HCN3: variants seen among roughly 807,000 people sequenced by gnomAD.
The protein encoded by HCN3 is hyperpolarization activated cyclic nucleotide gated potassium channel 3.
In HCN3, 36 loss-of-function variants were observed where a neutral mutation model predicts 56.8. The observed-to-expected ratio is 0.63, with a 90% CI of 0.49 to 0.84. The LOEUF (loss-of-function observed/expected upper bound fraction) is 0.84. Among genes scored for constraint, HCN3 ranks in the 40% least tolerant of loss-of-function variants. The pLI is 0.00. For missense variants in HCN3, 930 were observed against 1,079.3 expected (o/e 0.86, Z 1.94); for synonymous variants, 425 against 439.7 (o/e 0.97, Z 0.42).
In HCN3 at chr1:155,287,196, C is replaced by T. The variant is rs369007284; in HGVS notation, c.1501C>T (p.Arg501Trp). 5.0e-6 allele frequency: 8 copies of T among 1,613,558 alleles called. No individual in the cohort carries two copies. Among genetic ancestry groups the T allele is most frequent in the Non-Finnish European group, 5.9e-6 (7 of 1,179,958 alleles). Reference protein sequence around the residue: ...FGEICLLTRGRRTASVRADTY... With the variant: ...FGEICLLTRGWRTASVRADTY... The stretch of plus-strand genomic sequence containing the variant: ...AGAGATCTGCCTGCTAACTAGGGGC[C>T]GGCGCACAGCCAGTGTTCGGGCTGA... The change falls in exon 7 of 8, where the codon CGG becomes TGG. Residue 501 changes from arginine (R) to tryptophan (W), a missense_variant. Arg to Trp is a moderately radical substitution (Grantham distance 101). Coordinates refer to ENST00000368358, the MANE Select transcript of HCN3 (RefSeq NM_020897.3).
intron 7 of HCN3, 104 bp from the exon 8 acceptor site, chr1:155,287,677 C>T: frequency 6.8e-6 from 10 of 1,471,874 alleles, no homozygotes; most frequent in Admixed American, 4.6e-5. Context: ...CATCCCCTAC[C>T]CTCAACCCCA....
rs976907954 is a variant in HCN3, at chr1:155,288,325, T to TG, written c.2190dup (p.Arg731AlafsTer2). ...AGCGGGCAACAGGCGATGGCTCTCC[T>TG]GGGCGTAAGGGATCAGGAAGTGAGC... On this transcript the variant is annotated frameshift_variant, in exon 8 of 8. Transcript: ENST00000368358. LOFTEE classifies it high-confidence loss of function. The surrounding 1 kb of genome is among the most constrained non-coding windows in gnomAD (Gnocchi z 6.5). 1.5e-5 allele frequency: 24 copies of TG among 1,613,632 alleles called. No individual in the cohort carries two copies. The highest frequency in any genetic ancestry group is 1.9e-5 in the Non-Finnish European group (22 of 1,179,932).
chr1:155,277,650 G>A lies in HCN3; in HGVS notation c.60G>A (p.Glu20=). 6.4e-7 allele frequency: 1 copy of A among 1,554,896 alleles called. No individual in the cohort carries two copies. The highest frequency in any genetic ancestry group is 8.7e-7 in the Non-Finnish European group (1 of 1,150,544). The change falls in exon 1 of 8, where the codon GAG becomes GAA. Residue 20 remains glutamate (E), a synonymous_variant. Coordinates refer to ENST00000368358, the MANE Select transcript of HCN3 (RefSeq NM_020897.3). ...GASEGATPGL[E]AVPPVAPPPA... ...GCGAAGGGGCGACCCCTGGACTGGA[G>A]GCGGTGCCTCCCGTTGCTCCCCCGC...
Position 155,287,263 on chromosome 1 carries a change from A to C in HCN3, c.1568A>C (p.Asn523Thr). The change falls in exon 7 of 8, where the codon AAT becomes ACT. Residue 523 changes from asparagine (N) to threonine (T), a missense_variant. Coordinates refer to ENST00000368358, the MANE Select transcript of HCN3 (RefSeq NM_020897.3). Reference sequence around the variant, plus strand: ...TACTCACTCAGCGTGGACCATTTCAATGCTGTGCTTGAGGAGTTCCCCATG... The same window carrying C: ...TACTCACTCAGCGTGGACCATTTCACTGCTGTGCTTGAGGAGTTCCCCATG... ...RLYSLSVDHF[N>T]AVLEEFPMMR... 1 of 1,614,030 alleles carries C rather than the reference A, an allele frequency of 6.2e-7. No homozygotes were observed. The highest frequency in any genetic ancestry group is 8.5e-7 in the Non-Finnish European group (1 of 1,179,948).
chr1:155,287,829 G>T lies in HCN3; in HGVS notation c.1691G>T (p.Gly564Val). The T allele has an allele frequency of 6.2e-7, 1 of 1,610,132 alleles. No homozygotes were observed. Among genetic ancestry groups the T allele is most frequent in the Non-Finnish European group, 8.5e-7 (1 of 1,177,170 alleles). The change falls in exon 8 of 8, where the codon GGC (glycine) becomes GTC (valine). Residue 564 changes from glycine (G) to valine (V), a missense_variant. By Grantham distance (109) the Gly-to-Val change is moderately radical (BLOSUM62 -3). Coordinates refer to ENST00000368358, the MANE Select transcript of HCN3 (RefSeq NM_020897.3). ...LQRKRSEPSP[G>V]SSGGIMEQHL... is the part of the protein sequence containing the mutation. ...CGGAAGCGCTCCGAGCCAAGTCCAGGCAGCAGTGGTGGCATCATGGAGCAG... is the reference window on the plus strand; with the variant it reads ...CGGAAGCGCTCCGAGCCAAGTCCAGTCAGCAGTGGTGGCATCATGGAGCAG...
intron 1 of HCN3, among the ~76,000 whole-genome samples, chr1:155,279,208 T>C (rs1235509431): frequency 6.6e-6 from 1 of 152,236 alleles, no homozygotes; most frequent in Non-Finnish European, 1.5e-5. Context: ...GACACTGGGA[T>C]TAGGTGTGTC....
rs200499867 is a variant in HCN3, at chr1:155,282,859, G to T, written c.708+19G>T. The T allele has an allele frequency of 6.4e-7, 1 of 1,567,152 alleles. No individual in the cohort carries two copies. Among genetic ancestry groups the T allele is most frequent in the East Asian group, 2.3e-5 (1 of 42,876 alleles). ...GGAGGAGGTGGGGTGGGGAGATGGC[G>T]GGCGGGGCAGTGGGTGGGGGATGTT... On this transcript the variant is annotated intron_variant, in intron 2 of 7. Coordinates refer to ENST00000368358, the MANE Select transcript of HCN3 (RefSeq NM_020897.3). This position sits in a 1 kb window ranked among gnomAD's most constrained non-coding sequence, Gnocchi z 4.7.
In HCN3 at chr1:155,282,180, C is replaced by T. The variant is rs1040351947; in HGVS notation, c.279-231C>T. Among the ~76,000 whole-genome samples, 19 of 152,172 alleles carry T rather than the reference C, an allele frequency of 1.2e-4. No homozygotes were observed. Among genetic ancestry groups the T allele is most frequent in the African/African-American group, 4.3e-4 (18 of 41,432 alleles). ...CATATTTTCCTTGGATGTGTCTATA[C>T]GTAGGAATGGGATTGCTGAGTTGCA... On this transcript the variant is annotated intron_variant, in intron 1 of 7. Transcript: ENST00000368358. This position sits in a 1 kb window ranked among gnomAD's most constrained non-coding sequence, Gnocchi z 4.7.
In HCN3 at chr1:155,288,499, G is replaced by T. The variant is rs1471916085; in HGVS notation, c.*36G>T. 1.3e-6 allele frequency: 2 copies of T among 1,545,722 alleles called. No homozygotes were observed. The highest frequency in any genetic ancestry group is 1.7e-6 in the Non-Finnish European group (2 of 1,148,270). On this transcript the variant is annotated 3_prime_UTR_variant, in exon 8 of 8. Transcript: ENST00000368358. The surrounding 1 kb of genome is among the most constrained non-coding windows in gnomAD (Gnocchi z 6.5). The stretch of plus-strand genomic sequence containing the variant: ...TACATCCAGCCTTAGTTCTTGGGGT[G>T]CAGTAGTATGTACCCAAGGGCAGAT...
Position 155,284,388 on chromosome 1 carries a change from A to G in HCN3, c.871-151A>G, listed in dbSNP as rs1180712326. On this transcript the variant is annotated intron_variant, in intron 3 of 7. Transcript: ENST00000368358. This position sits in a 1 kb window ranked among gnomAD's most constrained non-coding sequence, Gnocchi z 4.3. The stretch of plus-strand genomic sequence containing the variant: ...TTGCAATAGAGGACCCTTTTGCCTC[A>G]GGGCCCCCCAGAACCAAACTTAAGT... The G allele has an allele frequency of 5.3e-6, 5 of 947,108 alleles. No homozygotes were observed. Among genetic ancestry groups the G allele is most frequent in the African/African-American group, 1.7e-5 (1 of 60,238 alleles). 58.7% of individuals were successfully genotyped at this position (947,108 alleles called of 1,614,324 possible). A position where few individuals can be genotyped will look rare whatever the true frequency, so the allele number is the denominator to read the frequency against.
At position 155,288,185 on chromosome 1, in the gene HCN3, C is replaced by A. The variant is rs1674378446; in HGVS notation, c.2047C>A (p.Leu683Ile). 1 of 1,576,138 alleles carries A rather than the reference C, an allele frequency of 6.3e-7. No homozygotes were observed. The highest frequency in any genetic ancestry group is 1.1e-5 in the South Asian group (1 of 88,272). Residue 683 changes from leucine to isoleucine, a missense_variant, in exon 8 of 8, where the codon CTA becomes ATA. Leu to Ile is a conservative substitution (Grantham distance 5). Coordinates refer to ENST00000368358, the MANE Select transcript of HCN3 (RefSeq NM_020897.3). This position sits in a 1 kb window ranked among gnomAD's most constrained non-coding sequence, Gnocchi z 6.5. ...ACCTGCCCGAACCCTGCACGCCAGC[C>A]TATCCCGGGCAGGGCGCTCCCAGGT... ...APPARTLHAS[L>I]SRAGRSQVSL...
In HCN3 at chr1:155,285,575, A is replaced by C; in HGVS notation, c.1237-149A>C. On this transcript the variant is annotated intron_variant, in intron 5 of 7. Coordinates refer to ENST00000368358, the MANE Select transcript of HCN3 (RefSeq NM_020897.3). The surrounding 1 kb of genome is among the most constrained non-coding windows in gnomAD (Gnocchi z 4.5). ...CTCATGGGAAAGATCTGAAGGCAGG[A>C]GCTTAGGGATGGTCCCAGGCCCACT... 8.9e-7 allele frequency: 1 copy of C among 1,119,812 alleles called. No homozygotes were observed. Among genetic ancestry groups the C allele is most frequent in the Non-Finnish European group, 1.2e-6 (1 of 803,470 alleles). 69.4% of individuals were successfully genotyped at this position (1,119,812 alleles called of 1,614,324 possible).
intron 1 of HCN3, 83 bp downstream of exon 1, chr1:155,277,951 C>G: frequency 6.7e-7 from 1 of 1,487,246 alleles, no homozygotes; most frequent in Non-Finnish European, 9.1e-7. Context: ...CCGCCCCACC[C>G]TCCACGGTCA....
Position 155,277,640 on chromosome 1 carries a change from C to T in HCN3, c.50C>T (p.Pro17Leu), listed in dbSNP as rs765536110. Residue 17 changes from proline (P) to leucine (L), a missense_variant, in exon 1 of 8, where the codon CCT (proline) becomes CTT (leucine). By Grantham distance (98) the Pro-to-Leu change is moderately conservative. Transcript: ENST00000368358. ...GCGGGGGCCAGCGAAGGGGCGACCC[C>T]TGGACTGGAGGCGGTGCCTCCCGTT... is the stretch of plus-strand genomic sequence containing the variant. ...PAAGASEGATPGLEAVPPVAP... is the reference protein window; with the variant it reads ...PAAGASEGATLGLEAVPPVAP... The T allele has an allele frequency of 1.9e-6, 3 of 1,554,928 alleles. No individual in the cohort carries two copies. In the Admixed American group the frequency reaches 5.8e-5, roughly 30 times the overall value.
Position 155,282,279 on chromosome 1 carries a change from CAACAGCTGTA to C in HCN3, c.279-126_279-117del, listed in dbSNP as rs1309760696. The C allele has an allele frequency of 2.3e-4, 191 of 845,946 alleles. 3 individuals are homozygous for C. The South Asian group carries it at 3.1e-3, about 14-fold the overall frequency. The allele number at this position is 845,946 out of a possible 1,614,324, so 52.4% of individuals were successfully genotyped here. On this transcript the variant is annotated intron_variant, in intron 1 of 7. Transcript: ENST00000368358. The surrounding 1 kb of genome is among the most constrained non-coding windows in gnomAD (Gnocchi z 4.7). ...AAATGGTGGTCCCAACTTATACTCC[CAACAGCTGTA>C]AACAGTCATTCTGTTATTGTGTATC... is the stretch of plus-strand genomic sequence containing the variant.
chr1:155,286,771 C>T (rs1674301433), intron 6 of HCN3, among the ~76,000 whole-genome samples: 1 of 148,988 alleles, frequency 6.7e-6, no homozygotes, highest in Non-Finnish European at 1.5e-5. Context: ...TACTGCTTTT[C>T]TCCTTCAGGG....
rs1257995577 is a variant in HCN3 at position 155,282,085 on chromosome 1, C to T, written c.279-326C>T. ...CTACTTATCTGTCTACATTTTTCTA[C>T]ACAAGGACATGTGTGTTGTTCTCAA... On this transcript the variant is annotated intron_variant, in intron 1 of 7. Coordinates refer to ENST00000368358, the MANE Select transcript of HCN3 (RefSeq NM_020897.3). This position sits in a 1 kb window ranked among gnomAD's most constrained non-coding sequence, Gnocchi z 4.7. Among the ~76,000 whole-genome samples the T allele has an allele frequency of 6.6e-6, 1 of 152,198 alleles. No homozygotes were observed.
chr1:155,280,298 A>G (rs1673973875), intron 1 of HCN3, among the ~76,000 whole-genome samples: 1 of 148,164 alleles, frequency 6.7e-6, no homozygotes, highest in African/African-American at 2.5e-5. Flanking sequence ...ACAGAGTCTC[A>G]CTCTCGCCCA....
At position 155,284,832 on chromosome 1, in the gene HCN3, C is replaced by A; in HGVS notation, c.1089+75C>A. 1 of 1,285,116 alleles carries A rather than the reference C, an allele frequency of 7.8e-7. No individual in the cohort carries two copies. Among genetic ancestry groups the A allele is most frequent in the Non-Finnish European group, 1.1e-6 (1 of 919,588 alleles). 79.6% of individuals were successfully genotyped at this position (1,285,116 alleles called of 1,614,324 possible). The stretch of plus-strand genomic sequence containing the variant: ...TGGGTAGCCTGACTTGAGGCCCATT[C>A]TGATGTGTGCCCCTGTTGCGTCTCT... On this transcript the variant is annotated intron_variant, in intron 4 of 7. Transcript: ENST00000368358. This position sits in a 1 kb window ranked among gnomAD's most constrained non-coding sequence, Gnocchi z 4.3.
Sources: allele counts gnomAD v4.1 joint callset (sites outside exome capture counted in the v4.1 genomes callset), GRCh38; gene constraint gnomAD v4.1.1; non-coding constraint Gnocchi (gnomAD v3.1); transcripts MANE v1.5; gene names NCBI Gene and HGNC (gene_info 2026-07-23, HGNC 2026-07-21).